PTPRM: variants seen among roughly 807,000 people sequenced by gnomAD.
PTPRM encodes protein tyrosine phosphatase receptor type M, also known as receptor-type tyrosine-protein phosphatase mu.
A neutral mutation model predicts 186.7 loss-of-function variants in PTPRM; 47 were observed. The observed-to-expected ratio is 0.25, with a 90% CI of 0.20 to 0.32. The LOEUF is 0.32. Ranked by LOEUF, PTPRM falls within the 10% of genes least tolerant of loss-of-function variation. PTPRM has a pLI of 1.00. For synonymous variants in PTPRM, 668 were observed against 674.9 expected (o/e 0.99, Z 0.16); for missense variants, 1,494 against 1,865.0 (o/e 0.80, Z 3.66).
chr18:7,949,372 T>C lies in PTPRM; in HGVS notation c.838+17T>C. On this transcript the variant is annotated intron_variant, in intron 6 of 32. Transcript: ENST00000580170. The stretch of plus-strand genomic sequence containing the variant: ...TAGTTAAAGGTATTTAATGTGTTTT[T>C]ATACCAGAATATTCTTCTAAAGTAG... 1 of 1,585,044 alleles carries C rather than the reference T, an allele frequency of 6.3e-7. No homozygotes were observed. The highest frequency in any genetic ancestry group is 8.6e-7 in the Non-Finnish European group (1 of 1,157,966).
chr18:8,152,665 AT>A (rs1211710285), intron 14 of PTPRM, among the ~76,000 whole-genome samples: 1 of 90,632 alleles, frequency 1.1e-5, no homozygotes, highest in East Asian at 2.9e-4. Flanking sequence ...TTTCCTCCAT[AT>A]TTCCCATATT....
intron 14 of PTPRM, among the ~76,000 whole-genome samples, chr18:8,226,502 T>G (rs568189053): frequency 6.6e-6 from 1 of 152,314 alleles, no homozygotes; most frequent in Non-Finnish European, 1.5e-5. Flanking sequence ...AAGGCATTTT[T>G]TACAATAAAG....
At chr18:8,113,792 A>C (rs1457846008) in intron 12 of PTPRM, 33 bp downstream of exon 12, 3 of 1,568,236 alleles carry the variant, frequency 1.9e-6, no homozygotes, top group Non-Finnish European at 2.6e-6. Context: ...TACTTAGGCT[A>C]TTTGGGGTTG....
rs554939688 is a variant in PTPRM at position 8,348,227 on chromosome 18, C to T, written c.3054+4707C>T. 5.3e-5 allele frequency among the ~76,000 whole-genome samples: 8 copies of T among 152,336 alleles called. No individual in the cohort carries two copies. The East Asian group carries it at 1.3e-3, about 26-fold the overall frequency. ...GTGTTTGTTTACACAGACTTGCTGCCGATTCATTAAGGCAGAGCTGGGGAC... is the reference window on the plus strand; with the variant it reads ...GTGTTTGTTTACACAGACTTGCTGCTGATTCATTAAGGCAGAGCTGGGGAC... On this transcript the variant is annotated intron_variant, in intron 23 of 32. Transcript: ENST00000580170.
chr18:7,752,233 C>T (rs2144634830), intron 1 of PTPRM, among the ~76,000 whole-genome samples: 1 of 152,208 alleles, frequency 6.6e-6, no homozygotes, highest in South Asian at 2.1e-4. Context: ...TTGAATTCTG[C>T]TATATGTGTG....
chr18:7,676,108 A>G (rs1385265863), intron 1 of PTPRM, among the ~76,000 whole-genome samples: 1 of 152,194 alleles, frequency 6.6e-6, no homozygotes, highest in African/African-American at 2.4e-5. Context: ...GCATGAAGAC[A>G]TAATTCAGAC....
intron 1 of PTPRM, among the ~76,000 whole-genome samples, chr18:7,585,174 G>A (rs1372625368): frequency 6.6e-6 from 1 of 152,238 alleles, no homozygotes; most frequent in Non-Finnish European, 1.5e-5. Flanking sequence ...AGACACGGGA[G>A]CTGCCCATGA....
Position 8,309,127 on chromosome 18 carries a change from C to G in PTPRM, c.2843-5654C>G, listed in dbSNP as rs1470510597. ...ACATTTGGATTGTTTATAGTTTTGT[C>G]AATTGTAAACAGTATTGCTTCAGTA... On this transcript the variant is annotated intron_variant, in intron 20 of 32. Transcript: ENST00000580170. 7.2e-5 allele frequency among the ~76,000 whole-genome samples: 11 copies of G among 152,288 alleles called. 1 individual carries two copies. In the South Asian group the frequency reaches 2.3e-3, roughly 32 times the overall value.
rs953096696 is a variant in PTPRM, at chr18:7,726,266, A to G, written c.74-47883A>G. ...TAATGATGAGCATCTTTTTTTGTTC[A>G]TGGTGGTCATTTACATATCTTCTTT... On this transcript the variant is annotated intron_variant, in intron 1 of 32. Transcript: ENST00000580170. Among the ~76,000 whole-genome samples, 7 of 152,032 alleles carry G rather than the reference A, an allele frequency of 4.6e-5. No homozygotes were observed. In the South Asian group the frequency reaches 1.5e-3, roughly 32 times the overall value.
chr18:7,838,560 T>C (rs1280030808), intron 2 of PTPRM, among the ~76,000 whole-genome samples: 1 of 152,194 alleles, frequency 6.6e-6, no homozygotes, highest in Admixed American at 6.5e-5. Context: ...GAGCTGAGGG[T>C]GGAGACACAA....
chr18:7,596,963 C>T (rs1310864203), intron 1 of PTPRM, among the ~76,000 whole-genome samples: 2 of 151,972 alleles, frequency 1.3e-5, no homozygotes, highest in Non-Finnish European at 2.9e-5. Context: ...AAGCGATTCT[C>T]GTGCTTCAGC....
chr18:7,797,206 T>C (rs2043709305), intron 2 of PTPRM, among the ~76,000 whole-genome samples: 1 of 152,260 alleles, frequency 6.6e-6, no homozygotes, highest in African/African-American at 2.4e-5. Flanking sequence ...CCTGCTCTAC[T>C]GTCCTGAAGC....
intron 13 of PTPRM, 137 bp from the exon 14 acceptor site, chr18:8,143,509 TA>T: frequency 1.1e-6 from 1 of 883,798 alleles, no homozygotes; most frequent in Non-Finnish European, 1.7e-6. Flanking sequence ...GAAAGCTGTT[TA>T]AAAAATCAAA....
intron 14 of PTPRM, among the ~76,000 whole-genome samples, chr18:8,207,958 C>T (rs993937169): frequency 2.6e-5 from 4 of 152,044 alleles, no homozygotes; most frequent in Non-Finnish European, 5.9e-5. Flanking sequence ...ATATATCTGC[C>T]AACAAATATT....
At chr18:7,926,475 T>C (rs1248792462) in intron 4 of PTPRM, 93 bp from the exon 5 acceptor site, 1 of 876,460 alleles carries the variant, frequency 1.1e-6, no homozygotes, top group Non-Finnish European at 1.6e-6. Context: ...GTGAACAAAA[T>C]TGAAAGGCCA....
At chr18:7,800,136 T>C (rs2043878291) in intron 2 of PTPRM, among the ~76,000 whole-genome samples, 1 of 152,228 alleles carries the variant, frequency 6.6e-6, no homozygotes, top group Non-Finnish European at 1.5e-5. Context: ...ATTACTAGTA[T>C]GAACATTGGA....
rs145930135 is a variant in PTPRM, at chr18:7,785,514, C to T, written c.196+11243C>T. The stretch of plus-strand genomic sequence containing the variant: ...AAATGTTGAGTCTAAGGGAAGTGTG[C>T]GTTTATTACTTAATTTTTCTGTACT... On this transcript the variant is annotated intron_variant, in intron 2 of 32. Coordinates refer to ENST00000580170, the MANE Select transcript of PTPRM (RefSeq NM_001105244.2). Among the ~76,000 whole-genome samples the T allele has an allele frequency of 2.1e-4, 32 of 152,102 alleles. No individual in the cohort carries two copies. The East Asian group carries it at 5.0e-3, about 24-fold the overall frequency.
intron 22 of PTPRM, among the ~76,000 whole-genome samples, chr18:8,329,660 C>A (rs2095400517): frequency 6.6e-6 from 1 of 152,226 alleles, no homozygotes. Context: ...TGTCACTTGC[C>A]AGGATCAGCA....
At chr18:7,760,402 C>CT (rs1310146067) in intron 1 of PTPRM, among the ~76,000 whole-genome samples, 3 of 152,240 alleles carry the variant, frequency 2.0e-5, no homozygotes, top group Admixed American at 2.0e-4. Flanking sequence ...GTGGCCTAGT[C>CT]TTTCTGTTGC....
Sources: allele counts gnomAD v4.1 joint callset (sites outside exome capture counted in the v4.1 genomes callset), GRCh38; gene constraint gnomAD v4.1.1; transcripts MANE v1.5; gene names NCBI Gene and HGNC (gene_info 2026-07-23, HGNC 2026-07-21).